Variants in EIF4ENIF1 observed in about 807,000 individuals in gnomAD.
EIF4ENIF1 encodes the protein eukaryotic translation initiation factor 4E transporter.
A neutral mutation model predicts 110.5 loss-of-function variants in EIF4ENIF1; 23 were observed. The ratio of observed to expected loss-of-function variants is 0.21; its 90% CI spans 0.15 to 0.29. The LOEUF is 0.29. Ranked by LOEUF, EIF4ENIF1 falls within the 10% of genes least tolerant of loss-of-function variation. EIF4ENIF1 has a pLI of 1.00. For synonymous variants in EIF4ENIF1, 440 were observed against 437.0 expected, an observed-to-expected ratio of 1.01 and a Z score of -0.09; for missense variants, 1,031 against 1,221.1, an observed-to-expected ratio of 0.84 and a Z score of 2.32.
chr22:31,468,483 CTCCCAGGT>C (rs1373437741), intron 3 of EIF4ENIF1, among the ~76,000 whole-genome samples, 181 bp from the exon 4 acceptor site: 1 of 152,200 alleles, frequency 6.6e-6, no homozygotes, highest in Non-Finnish European at 1.5e-5. Flanking sequence ...CACCCTCTGC[CTCCCAGGT>C]TCAAGTGATT....
At chr22:31,444,442 T>C in intron 15 of EIF4ENIF1, 164 bp downstream of exon 15, 1 of 672,628 alleles carries the variant, frequency 1.5e-6, no homozygotes, top group East Asian at 2.6e-5. Flanking sequence ...ACTTAGACTG[T>C]GTCCTAAAAG....
At chr22:31,477,301 A>G (rs567380257) in intron 2 of EIF4ENIF1, among the ~76,000 whole-genome samples, 194 of 144,272 alleles carry the variant, frequency 1.3e-3, no homozygotes, top group Middle Eastern at 3.5e-3. Flanking sequence ...CAGGAGGTGG[A>G]AGTTGCAGTA....
chr22:31,488,525 A>T, intron 2 of EIF4ENIF1, 98 bp downstream of exon 2: 2 of 1,525,286 alleles, frequency 1.3e-6, no homozygotes, highest in Non-Finnish European at 1.8e-6. Flanking sequence ...GTAGTGAGTC[A>T]GAATGAGATT....
At chr22:31,485,856 C>CTA (rs1329376509) in intron 2 of EIF4ENIF1, among the ~76,000 whole-genome samples, 1 of 152,044 alleles carries the variant, frequency 6.6e-6, no homozygotes, top group African/African-American at 2.4e-5. Flanking sequence ...TGGCTCACAC[C>CTA]TATAATCCCA....
In EIF4ENIF1 at chr22:31,463,081, G is replaced by A. The variant is rs1456808994; in HGVS notation, c.638C>T (p.Ser213Phe). Reference protein sequence around the residue: ...RVFGERRRNDSYTEEEPEWFS... With the variant: ...RVFGERRRNDFYTEEEPEWFS... ...CCACTCTGGTTCTTCTTCTGTGTAA[G>A]AATCATTTCTTCTACGCTCACCAAA... Residue 213 changes from serine (S) to phenylalanine (F), a missense_variant, in exon 6 of 19, where the codon TCT becomes TTT. Physicochemically the swap from Ser to Phe is radical, Grantham distance 155. Transcript: ENST00000330125. The A allele has an allele frequency of 3.1e-6, 5 of 1,614,010 alleles. No homozygotes were observed. The highest frequency in any genetic ancestry group is 4.2e-6 in the Non-Finnish European group (5 of 1,180,024).
chr22:31,445,953 G>GCC (rs541255413), intron 14 of EIF4ENIF1, among the ~76,000 whole-genome samples: 3,001 of 97,186 alleles, frequency 0.031, 200 homozygotes, highest in East Asian at 0.11. Context: ...GTTACGTACC[G>GCC]CCCCCCCCCC....
chr22:31,445,724 A>G (rs1284123908), intron 14 of EIF4ENIF1, among the ~76,000 whole-genome samples: 1 of 152,180 alleles, frequency 6.6e-6, no homozygotes, highest in African/African-American at 2.4e-5. Context: ...GCAGGGAGAC[A>G]AACAATAAAT....
chr22:31,487,120 T>C (rs564466244), intron 2 of EIF4ENIF1, among the ~76,000 whole-genome samples: 1 of 152,232 alleles, frequency 6.6e-6, no homozygotes, highest in South Asian at 2.1e-4. Context: ...TTTGATGGCT[T>C]TTCTCCATTC....
chr22:31,458,376 A>G (rs2050891566), intron 7 of EIF4ENIF1, 99 bp downstream of exon 7: 4 of 1,080,196 alleles, frequency 3.7e-6, no homozygotes, highest in Non-Finnish European at 4.9e-6. Flanking sequence ...AAAGCCAAAA[A>G]CCCCAAAAGC....
At chr22:31,439,060 A>C (rs2050217376), downstream of EIF4ENIF1, among the ~76,000 whole-genome samples, 1 of 152,238 alleles carries the variant, frequency 6.6e-6, no homozygotes, top group Non-Finnish European at 1.5e-5. Flanking sequence ...CTTAAACTTC[A>C]GATCACTTCC....
At chr22:31,458,820 G>T (rs574835180) in intron 6 of EIF4ENIF1, among the ~76,000 whole-genome samples, 170 bp from the exon 7 acceptor site, 5 of 152,084 alleles carry the variant, frequency 3.3e-5, no homozygotes, top group Non-Finnish European at 7.4e-5. Flanking sequence ...TCTACGGGAG[G>T]CAGAAAAGGA....
At chr22:31,471,017 A>C (rs78922291) in intron 3 of EIF4ENIF1, among the ~76,000 whole-genome samples, 1 of 138,538 alleles carries the variant, frequency 7.2e-6, no homozygotes, top group Non-Finnish European at 1.6e-5. Flanking sequence ...TGTCTCGGAC[A>C]AAAAAAAAAA....
intron 6 of EIF4ENIF1, among the ~76,000 whole-genome samples, chr22:31,459,798 T>C (rs2050936239): frequency 6.6e-6 from 1 of 152,158 alleles, no homozygotes; most frequent in South Asian, 2.1e-4. Flanking sequence ...CCTAGAGACA[T>C]TCTGTAGTTA....
chr22:31,449,273 G>A, intron 12 of EIF4ENIF1, 75 bp downstream of exon 12: 1 of 1,504,008 alleles, frequency 6.6e-7, no homozygotes, highest in Non-Finnish European at 9.1e-7. Context: ...GCCTCCCAGA[G>A]TGCTGGAATT....
chr22:31,475,721 TAAAA>T (rs11089509), intron 2 of EIF4ENIF1, among the ~76,000 whole-genome samples: 1 of 133,864 alleles, frequency 7.5e-6, no homozygotes, highest in Non-Finnish European at 1.6e-5. Context: ...AGACTCCGTT[TAAAA>T]AAAAAAAAAA....
downstream of EIF4ENIF1, chr22:31,437,432 ATG>A (rs1181962482): frequency 1.3e-5 from 2 of 149,328 alleles, no homozygotes; most frequent in East Asian, 3.9e-4. Flanking sequence ...GACTGCATTA[ATG>A]TGTCTTTTGC....
intron 4 of EIF4ENIF1, among the ~76,000 whole-genome samples, chr22:31,464,539 A>G (rs1392197690): frequency 1.3e-5 from 2 of 150,616 alleles, no homozygotes; most frequent in Non-Finnish European, 3.0e-5. Context: ...TTAGCCAGGC[A>G]TTGTGGCAGG....
At chr22:31,452,697 T>C (rs2050710732) in intron 10 of EIF4ENIF1, among the ~76,000 whole-genome samples, 1 of 152,218 alleles carries the variant, frequency 6.6e-6, no homozygotes, top group Admixed American at 6.5e-5. Context: ...GAAAATAGGA[T>C]AGTCTACCAT....
chr22:31,452,494 C>T (rs1007951495), intron 10 of EIF4ENIF1, among the ~76,000 whole-genome samples: 4 of 152,090 alleles, frequency 2.6e-5, no homozygotes, highest in Non-Finnish European at 5.9e-5. Flanking sequence ...CCTTACAACT[C>T]GAGTAAATTG....
Sources: allele counts gnomAD v4.1 joint callset (sites outside exome capture counted in the v4.1 genomes callset), GRCh38; gene constraint gnomAD v4.1.1; transcripts MANE v1.5; gene names NCBI Gene and HGNC (gene_info 2026-07-23, HGNC 2026-07-21).